The following KCNIP4 variants were observed in gnomAD, a reference collection of about 807,000 sequenced individuals.
The protein encoded by KCNIP4 is Kv channel-interacting protein 4.
KCNIP4 carries 12 observed loss-of-function variants against 34.0 expected under a neutral mutation model. That is an observed-to-expected ratio of 0.35 (90% CI 0.23 to 0.57). KCNIP4 has a LOEUF of 0.57. KCNIP4 is among the 20% of genes least tolerant of loss of function. KCNIP4 has a pLI of 0.83. For synonymous variants in KCNIP4, 124 were observed against 102.2 expected, an observed-to-expected ratio of 1.21 and a Z score of -1.29; for missense variants, 238 against 311.7, an observed-to-expected ratio of 0.76 and a Z score of 1.78.
intron 1 of KCNIP4, among the ~76,000 whole-genome samples, chr4:21,439,205 G>C (rs1310704131): frequency 6.6e-6 from 1 of 151,810 alleles, no homozygotes; most frequent in Non-Finnish European, 1.5e-5. Flanking sequence ...CAACAAGAGG[G>C]AGGTCCTTGT....
intron 1 of KCNIP4, among the ~76,000 whole-genome samples, chr4:21,024,219 T>C (rs1449732190): frequency 6.6e-6 from 1 of 152,220 alleles, no homozygotes; most frequent in African/African-American, 2.4e-5. Context: ...GTAATGCTTT[T>C]TCCCTTGCGA....
intron 1 of KCNIP4, among the ~76,000 whole-genome samples, chr4:21,434,927 C>A (rs1726818576): frequency 6.6e-6 from 1 of 152,060 alleles, no homozygotes; most frequent in South Asian, 2.1e-4. Context: ...GTTTTCTCAT[C>A]TGTAAAACAG....
At chr4:21,032,645 C>A (rs751010481) in intron 1 of KCNIP4, among the ~76,000 whole-genome samples, 1 of 152,062 alleles carries the variant, frequency 6.6e-6, no homozygotes, top group African/African-American at 2.4e-5. Context: ...GTTTTGTGAA[C>A]TGAGAATGCG....
chr4:20,959,505 A>G (rs994495158), intron 1 of KCNIP4, among the ~76,000 whole-genome samples: 7 of 152,194 alleles, frequency 4.6e-5, no homozygotes, highest in Non-Finnish European at 8.8e-5. Context: ...GAGGAGACTG[A>G]TTATTAAAAT....
intron 1 of KCNIP4, among the ~76,000 whole-genome samples, chr4:21,948,251 G>C (rs1393667699): frequency 6.6e-6 from 1 of 152,180 alleles, no homozygotes; most frequent in Non-Finnish European, 1.5e-5. Context: ...GAGTCATCTG[G>C]CAGATGCATA....
At chr4:21,894,224 C>T (rs1255474292) in intron 1 of KCNIP4, among the ~76,000 whole-genome samples, 1 of 151,824 alleles carries the variant, frequency 6.6e-6, no homozygotes, top group Non-Finnish European at 1.5e-5. Flanking sequence ...TAGTCCAAGA[C>T]ACTTGGGAAG....
At chr4:21,010,494 C>G (rs1479449826) in intron 1 of KCNIP4, among the ~76,000 whole-genome samples, 1 of 152,026 alleles carries the variant, frequency 6.6e-6, no homozygotes, top group Non-Finnish European at 1.5e-5. Flanking sequence ...TTCGAACGTC[C>G]GCTGCCAGGA....
chr4:21,572,842 C>A (rs1023251020), intron 1 of KCNIP4, among the ~76,000 whole-genome samples: 1 of 152,014 alleles, frequency 6.6e-6, no homozygotes, highest in Non-Finnish European at 1.5e-5. Context: ...GGCCAGACTG[C>A]TCTTTAACTC....
At chr4:21,515,202 G>A (rs1304296856) in intron 1 of KCNIP4, among the ~76,000 whole-genome samples, 1 of 152,076 alleles carries the variant, frequency 6.6e-6, no homozygotes, top group Non-Finnish European at 1.5e-5. Context: ...TCAGTGATGG[G>A]GGCTCCTGAT....
At chr4:21,450,627 G>A (rs1476279) in intron 1 of KCNIP4, among the ~76,000 whole-genome samples, 57,300 of 151,960 alleles carry the variant, frequency 0.38, 12,272 homozygotes, top group Non-Finnish European at 0.49. Flanking sequence ...TTTAAAGGCA[G>A]ACAGCTTGTA....
rs996488250 is a variant in KCNIP4, at chr4:21,561,062, G to A, written c.61+387509C>T. Among the ~76,000 whole-genome samples the A allele has an allele frequency of 7.9e-5, 12 of 152,136 alleles. No individual in the cohort carries two copies. The South Asian group carries it at 8.3e-4, about 11-fold the overall frequency. ...TAAAGTTATTGGGCTATTAAATTGC[G>A]TGGGGAAAAATAATAGAGCTCATTA... On this transcript the variant is annotated intron_variant, in intron 1 of 8. Coordinates refer to ENST00000382152, the MANE Select transcript of KCNIP4 (RefSeq NM_025221.6).
chr4:21,067,096 G>A (rs568731815), intron 1 of KCNIP4, among the ~76,000 whole-genome samples: 3 of 152,288 alleles, frequency 2.0e-5, no homozygotes, highest in Admixed American at 2.0e-4. Context: ...ACAGAGTCCT[G>A]AGGCCCCATT....
intron 1 of KCNIP4, among the ~76,000 whole-genome samples, chr4:21,790,943 G>A (rs1286804802): frequency 8.1e-6 from 1 of 123,762 alleles, no homozygotes; most frequent in Non-Finnish European, 1.6e-5. Flanking sequence ...GAAATGTGTG[G>A]CTCCTTTATT....
chr4:21,461,610 T>C (rs1236879484), intron 1 of KCNIP4, among the ~76,000 whole-genome samples: 2 of 152,026 alleles, frequency 1.3e-5, no homozygotes, highest in Non-Finnish European at 2.9e-5. Context: ...GAAAAAAATC[T>C]CTTGTAAGTC....
At chr4:20,991,716 C>T (rs1381660110) in intron 1 of KCNIP4, among the ~76,000 whole-genome samples, 1 of 152,208 alleles carries the variant, frequency 6.6e-6, no homozygotes, top group Non-Finnish European at 1.5e-5. Context: ...ATTTTCTCAG[C>T]CACAGCTTCA....
chr4:21,919,034 AG>A (rs1206526266), intron 1 of KCNIP4, among the ~76,000 whole-genome samples: 1 of 152,160 alleles, frequency 6.6e-6, no homozygotes, highest in Non-Finnish European at 1.5e-5. Context: ...AAGAGGCCAA[AG>A]GGGATGATGA....
chr4:20,885,408 G>A (rs1040991318), intron 1 of KCNIP4, among the ~76,000 whole-genome samples: 2 of 152,170 alleles, frequency 1.3e-5, no homozygotes, highest in East Asian at 3.9e-4. Flanking sequence ...GCCCAGACCT[G>A]CCAACCAGTC....
At chr4:20,957,417 T>G (rs1577433752) in intron 1 of KCNIP4, among the ~76,000 whole-genome samples, 1 of 152,328 alleles carries the variant, frequency 6.6e-6, no homozygotes, top group South Asian at 2.1e-4. Flanking sequence ...TTCTGGAAAC[T>G]AAGGTTCAGA....
chr4:21,733,333 C>T (rs1371733858), intron 1 of KCNIP4, among the ~76,000 whole-genome samples: 2 of 152,138 alleles, frequency 1.3e-5, no homozygotes, highest in Non-Finnish European at 2.9e-5. Context: ...TACAGATATA[C>T]TACTGGGAGA....
Sources: gnomAD v4.1 joint callset for allele counts (sites outside exome capture counted in the v4.1 genomes callset) on GRCh38, gnomAD v4.1.1 for gene constraint, MANE v1.5 for transcripts, NCBI Gene and HGNC (gene_info 2026-07-23, HGNC 2026-07-21) for gene names.